The following DNAI2 variants were observed in gnomAD, a reference collection of about 807,000 sequenced individuals.
DNAI2 encodes dynein axonemal intermediate chain 2.
Under a neutral mutation model 74.7 loss-of-function variants are expected in DNAI2, and 63 were observed. That is an observed-to-expected ratio of 0.84 (90% CI 0.69 to 1.04). The LOEUF is 1.04. DNAI2 is among the 50% of genes least tolerant of loss of function. The pLI, the probability that DNAI2 is intolerant of heterozygous loss-of-function variation, is 0.00. For missense variants in DNAI2, 688 were observed against 803.2 expected (o/e 0.86, Z 1.73); for synonymous variants, 289 against 314.9 (o/e 0.92, Z 0.87).
intron 2 of DNAI2, among the ~76,000 whole-genome samples, chr17:74,283,427 T>G (rs558346585): frequency 5.4e-4 from 81 of 150,368 alleles, no homozygotes; most frequent in African/African-American, 1.9e-3. Flanking sequence ...GGCAACATAG[T>G]GAGACTTCAT....
rs759983526 is a variant in DNAI2 at position 74,305,182 on chromosome 17, C to T, written c.988-37C>T. 4.1e-5 allele frequency: 65 copies of T among 1,603,398 alleles called. No homozygotes were observed. The South Asian group carries it at 7.0e-4, about 17-fold the overall frequency. On this transcript the variant is annotated intron_variant, in intron 8 of 13. Transcript: ENST00000311014. ...CCCGCTAATCCCAGAATTGATGGTT[C>T]GTGGAGTCTTCCCCTCCTGTGTCAC...
rs988771956 is a variant in DNAI2, at chr17:74,300,480, T to C, written c.865-566T>C. Among the ~76,000 whole-genome samples, 1 of 152,224 alleles carries C rather than the reference T, an allele frequency of 6.6e-6. No individual in the cohort carries two copies. The highest frequency in any genetic ancestry group is 2.4e-5 in the African/African-American group (1 of 41,466). On this transcript the variant is annotated intron_variant, in intron 7 of 13. Transcript: ENST00000311014. The surrounding 1 kb of genome is among the most constrained non-coding windows in gnomAD (Gnocchi z 4.5). The stretch of plus-strand genomic sequence containing the variant: ...ACTATTCTGTACTCGATGTTTTCCA[T>C]TGTGTGTACCTTGGAGATAGTTTCA...
intron 4 of DNAI2, 95 bp downstream of exon 4, chr17:74,287,193 G>A: frequency 6.5e-7 from 1 of 1,546,494 alleles, no homozygotes; most frequent in Non-Finnish European, 8.8e-7. Context: ...TGCATGCCCT[G>A]GGTGCAGCAC....
At chr17:74,291,663 A>G (rs781178096) in intron 6 of DNAI2, among the ~76,000 whole-genome samples, 1 of 152,208 alleles carries the variant, frequency 6.6e-6, no homozygotes, top group Non-Finnish European at 1.5e-5. Context: ...GCTCAAAATA[A>G]ACAGTTTTAA....
At chr17:74,289,945 G>A (rs1415040799) in intron 5 of DNAI2, among the ~76,000 whole-genome samples, 1 of 152,152 alleles carries the variant, frequency 6.6e-6, no homozygotes, top group Non-Finnish European at 1.5e-5. Context: ...TCAGAAGCAG[G>A]AAACCCCCAC....
In DNAI2 at chr17:74,314,247, G is replaced by C; in HGVS notation, c.*31G>C. On this transcript the variant is annotated 3_prime_UTR_variant, in exon 13 of 14. Transcript: ENST00000311014. ...AGCCTTCGACTGCGGCGCTATCCCT[G>C]TGTGCCTTCCTTTCCCACCTCTTGG... 6.2e-7 allele frequency: 1 copy of C among 1,613,406 alleles called. No individual in the cohort carries two copies. Among genetic ancestry groups the C allele is most frequent in the East Asian group, 2.2e-5 (1 of 44,832 alleles).
At position 74,312,001 on chromosome 17, in the gene DNAI2, A is replaced by C; in HGVS notation, c.1495-2A>C. On this transcript the variant is annotated splice_acceptor_variant, in intron 11 of 13. Transcript: ENST00000311014. LOFTEE classifies it high-confidence loss of function. ...GGGCTCTCTCTGTCCCTGGGTGCCC[A>C]GATGTTTGAGCGTGAGACCCGGCGA... The C allele has an allele frequency of 6.2e-7, 1 of 1,600,128 alleles. No individual in the cohort carries two copies.
chr17:74,293,940 C>A (rs766529645), intron 6 of DNAI2, among the ~76,000 whole-genome samples: 1 of 151,646 alleles, frequency 6.6e-6, no homozygotes, highest in Non-Finnish European at 1.5e-5. Flanking sequence ...CATGCCACCA[C>A]GCCCAGCTAA....
chr17:74,301,706 G>A (rs946912936), intron 8 of DNAI2, among the ~76,000 whole-genome samples: 6 of 151,770 alleles, frequency 4.0e-5, no homozygotes, highest in Non-Finnish European at 8.8e-5. Context: ...GGGCAGGGTG[G>A]CTCACGCCTG....
chr17:74,313,928 C>G, intron 12 of DNAI2, 193 bp from the exon 13 acceptor site: 2 of 774,064 alleles, frequency 2.6e-6, no homozygotes, highest in Non-Finnish European at 4.1e-6. Flanking sequence ...GCCAGATTCC[C>G]CCAGCTCTGC....
At chr17:74,293,015 AGTAG>A (rs747137529) in intron 6 of DNAI2, among the ~76,000 whole-genome samples, 6 of 151,444 alleles carry the variant, frequency 4.0e-5, no homozygotes, top group Non-Finnish European at 8.8e-5. Flanking sequence ...ATTTTTTTTT[AGTAG>A]AGACGGGGTT....
intron 1 of DNAI2, among the ~76,000 whole-genome samples, chr17:74,281,086 CAAAAAAAA>C (rs60399157): frequency 8.5e-5 from 5 of 58,898 alleles, no homozygotes; most frequent in African/African-American, 3.5e-4. Flanking sequence ...GCCTTTGTCT[CAAAAAAAA>C]AAAAAAAAAA....
chr17:74,287,135 C>T (rs745627986), intron 4 of DNAI2, 37 bp downstream of exon 4: 31 of 1,611,338 alleles, frequency 1.9e-5, no homozygotes, highest in East Asian at 2.2e-5. Flanking sequence ...GGCCACCCTC[C>T]GTCACCCCCA....
At position 74,299,701 on chromosome 17, in the gene DNAI2, A is replaced by G. The variant is rs1264882194; in HGVS notation, c.725-17A>G. ...CTGTGCCCCCTTCCACTCCTTCTTC[A>G]TCTCCTTCCTCACCAGCCTGCTGGG... On this transcript the variant is annotated splice_polypyrimidine_tract_variant and intron_variant, in intron 6 of 13. Coordinates refer to ENST00000311014, the MANE Select transcript of DNAI2 (RefSeq NM_023036.6). The G allele has an allele frequency of 3.1e-6, 5 of 1,612,502 alleles. No homozygotes were observed. In the South Asian group the frequency reaches 5.5e-5, roughly 18 times the overall value.
intron 6 of DNAI2, among the ~76,000 whole-genome samples, chr17:74,297,254 G>A (rs2052499879): frequency 6.7e-6 from 1 of 150,324 alleles, no homozygotes; most frequent in Non-Finnish European, 1.5e-5. Context: ...CCCAGCTAAT[G>A]TTTTGTATTT....
rs537168391 is a variant in DNAI2, at chr17:74,284,898, T to A, written c.184-142T>A. Reference sequence around the variant, plus strand: ...CCTGATCACCAGGAATTTCCTTGCCTGCATTTGAAAATACTGTGGCTCCGG... The same window carrying A: ...CCTGATCACCAGGAATTTCCTTGCCAGCATTTGAAAATACTGTGGCTCCGG... On this transcript the variant is annotated intron_variant, in intron 2 of 13. Coordinates refer to ENST00000311014, the MANE Select transcript of DNAI2 (RefSeq NM_023036.6). The A allele has an allele frequency of 4.3e-4, 460 of 1,068,030 alleles. 3 individuals carry two copies. In the African/African-American group the frequency reaches 6.0e-3, roughly 14 times the overall value. The allele number at this position is 1,068,030 out of a possible 1,614,324, so 66.2% of individuals were successfully genotyped here.
chr17:74,285,185 T>G lies in DNAI2; in HGVS notation c.329T>G (p.Ile110Ser). The change falls in exon 3 of 14, where the codon ATC (isoleucine) becomes AGC (serine). Residue 110 changes from isoleucine to serine, a missense_variant. By Grantham distance (142) the Ile-to-Ser change is moderately radical. Coordinates refer to ENST00000311014, the MANE Select transcript of DNAI2 (RefSeq NM_023036.6). Reference sequence around the variant, plus strand: ...AAAGATGAGAACTACGTTAACGCCATCATGCAGCTCGGCTCTGTAAGGCTT... The same window carrying G: ...AAAGATGAGAACTACGTTAACGCCAGCATGCAGCTCGGCTCTGTAAGGCTT... ...VEKDENYVNA[I>S]MQLGSIMEHC... The G allele has an allele frequency of 6.2e-7, 1 of 1,614,142 alleles. No individual in the cohort carries two copies. The highest frequency in any genetic ancestry group is 8.5e-7 in the Non-Finnish European group (1 of 1,180,008).
intron 6 of DNAI2, among the ~76,000 whole-genome samples, chr17:74,296,346 G>GGAGAGAGAGAGAGAGAGAGAGA (rs1555611113): frequency 1.9e-4 from 16 of 83,304 alleles, no homozygotes; most frequent in Admixed American, 5.0e-4. Context: ...GAGAGAGAGA[G>GGAGAGAGAGAGAGAGAGAGAGA]GAGAGAGAGA....
At chr17:74,286,918 C>T (rs1567846998) in intron 3 of DNAI2, 59 bp from the exon 4 acceptor site, 11 of 1,612,336 alleles carry the variant, frequency 6.8e-6, no homozygotes, top group Admixed American at 3.3e-5. Flanking sequence ...CATTGCAGGC[C>T]TGGGCAATCT....
Sources: allele counts gnomAD v4.1 joint callset (sites outside exome capture counted in the v4.1 genomes callset), GRCh38; gene constraint gnomAD v4.1.1; non-coding constraint Gnocchi (gnomAD v3.1); transcripts MANE v1.5; gene names NCBI Gene and HGNC (gene_info 2026-07-23, HGNC 2026-07-21).